SUGP2: variants seen among roughly 807,000 people sequenced by gnomAD.
SUGP2 encodes the protein SURP and G-patch domain-containing protein 2.
Under a neutral mutation model 90.5 loss-of-function variants are expected in SUGP2, and 24 were observed. The observed-to-expected ratio is 0.27, with a 90% confidence interval of 0.19 to 0.37. The LOEUF (loss-of-function observed/expected upper bound fraction) is 0.37, where lower values mean the gene tolerates loss of function less well. Ranked by LOEUF, SUGP2 falls within the 10% of genes least tolerant of loss-of-function variation. The pLI is 1.00. For missense variants in SUGP2, 1,233 were observed against 1,363.3 expected (o/e 0.90, Z 1.51); for synonymous variants, 473 against 513.4 (o/e 0.92, Z 1.06).
chr19:19,014,800 T>TA (rs1461538400), intron 4 of SUGP2, among the ~76,000 whole-genome samples: 5 of 147,058 alleles, frequency 3.4e-5, no homozygotes, highest in African/African-American at 1.3e-4. Context: ...CTCATCTCTT[T>TA]AAACAAAAAA....
chr19:19,001,673 G>A lies in SUGP2; in HGVS notation c.2931C>T (p.Val977=). 6.2e-7 allele frequency: 1 copy of A among 1,614,170 alleles called. No homozygotes were observed. Among genetic ancestry groups the A allele is most frequent in the East Asian group, 2.2e-5 (1 of 44,886 alleles). The part of the protein sequence containing the change: ...KRVCLIQEPK[V]HEPVRIAYDR... ...CATAGGCAATTCGAACTGGTTCATG[G>A]ACTAGAAGACAAAAGAAAGAGACAC... Residue 977 remains valine, a splice_region_variant and synonymous_variant, in exon 8 of 11, where the codon GTC becomes GTT. Transcript: ENST00000452918.
rs964463938 is a variant in SUGP2, at chr19:19,026,293, C to T, written c.122-67G>A. On this transcript the variant is annotated intron_variant, in intron 2 of 10. Coordinates refer to ENST00000452918, the MANE Select transcript of SUGP2 (RefSeq NM_001017392.5). Reference sequence around the variant, plus strand: ...GATACTTTAGACCAGAGAATGCAAACAGTGCAAACAAACAGTCCACGGATC... The same window carrying T: ...GATACTTTAGACCAGAGAATGCAAATAGTGCAAACAAACAGTCCACGGATC... 8 of 1,420,774 alleles carry T rather than the reference C, an allele frequency of 5.6e-6. No individual in the cohort carries two copies. In the Admixed American group the frequency reaches 1.1e-4, roughly 20 times the overall value. 88.0% of individuals were successfully genotyped at this position (1,420,774 alleles called of 1,614,324 possible).
intron 3 of SUGP2, among the ~76,000 whole-genome samples, chr19:19,021,143 G>A (rs1219819779): frequency 2.1e-5 from 2 of 96,822 alleles, no homozygotes; most frequent in African/African-American, 8.8e-5. Flanking sequence ...TGGGCAACAA[G>A]AGCAAAATTC....
chr19:19,007,853 G>T (rs569142248), intron 6 of SUGP2, among the ~76,000 whole-genome samples: 3 of 145,800 alleles, frequency 2.1e-5, no homozygotes, highest in African/African-American at 7.6e-5. Flanking sequence ...TCCGCCTCCC[G>T]GGTTTAAGCG....
chr19:19,018,686 CA>C (rs55923416), intron 4 of SUGP2, among the ~76,000 whole-genome samples: 1,814 of 85,800 alleles, frequency 0.021, 11 homozygotes, highest in African/African-American at 0.076. Context: ...GGCTCCGTCT[CA>C]AAAAAAAAAA....
intron 8 of SUGP2, among the ~76,000 whole-genome samples, chr19:19,000,321 C>T (rs1006509348): frequency 1.3e-5 from 2 of 152,210 alleles, no homozygotes; most frequent in African/African-American, 2.4e-5. Flanking sequence ...TCAGCGGCAT[C>T]CCCTCGACCC....
intron 7 of SUGP2, 73 bp from the exon 8 acceptor site, chr19:19,001,747 G>C: frequency 6.7e-7 from 1 of 1,499,010 alleles, no homozygotes; most frequent in Non-Finnish European, 9.3e-7. Flanking sequence ...TGAAGATCTT[G>C]CAGTCTATTT....
rs1027731597 is a variant in SUGP2, at chr19:19,001,520, C to G, written c.2991+93G>C. The G allele has an allele frequency of 2.3e-6, 3 of 1,278,086 alleles. No homozygotes were observed. In the South Asian group the frequency reaches 3.7e-5, roughly 16 times the overall value. The allele number at this position is 1,278,086 out of a possible 1,614,324, so 79.2% of individuals were successfully genotyped here. On this transcript the variant is annotated intron_variant, in intron 8 of 10. Coordinates refer to ENST00000452918, the MANE Select transcript of SUGP2 (RefSeq NM_001017392.5). ...TTAATACCTCAGTTTGAAATGTTAGCACAGCTTAATCACAAGCTGCAGCAT... is the reference window on the plus strand; with the variant it reads ...TTAATACCTCAGTTTGAAATGTTAGGACAGCTTAATCACAAGCTGCAGCAT...
In SUGP2 at chr19:19,026,155, G is replaced by A; in HGVS notation, c.193C>T (p.Leu65Phe). Reference protein sequence around the residue: ...DDVHSDGRYSLSGSVAHSRDA... With the variant: ...DDVHSDGRYSFSGSVAHSRDA... ...CTAGAGTGAGCTACAGATCCACTGA[G>A]GGAGTATCTGCCATCGCTGTGGACG... is the stretch of plus-strand genomic sequence containing the variant. Residue 65 changes from leucine to phenylalanine, a missense_variant, in exon 3 of 11, where the codon CTC becomes TTC. Physicochemically the swap from Leu to Phe is conservative, Grantham distance 22. Around this residue, in one of 8 missense-constraint regions of SUGP2, gnomAD observed 418 missense variants for 399.9 expected, o/e 1.05. Transcript: ENST00000452918. 6.2e-7 allele frequency: 1 copy of A among 1,613,830 alleles called. No homozygotes were observed. Among genetic ancestry groups the A allele is most frequent in the Non-Finnish European group, 8.5e-7 (1 of 1,179,944 alleles).
At position 19,031,172 on chromosome 19, in the gene SUGP2, T is replaced by C. The variant is rs570042296; in HGVS notation, c.-11-90A>G. ...CCTGTAATCCTGGCACTTTGGGAGG[T>C]CGAGGTGGGCGGATCACCTGAGCTC... On this transcript the variant is annotated intron_variant, in intron 1 of 10. Transcript: ENST00000452918. The C allele has an allele frequency of 1.3e-5, 18 of 1,411,954 alleles. No homozygotes were observed. In the African/African-American group the frequency reaches 2.6e-4, roughly 20 times the overall value. The allele number at this position is 1,411,954 out of a possible 1,614,324, so 87.5% of individuals were successfully genotyped here.
intron 4 of SUGP2, among the ~76,000 whole-genome samples, chr19:19,015,944 A>G (rs536386412): frequency 6.6e-6 from 1 of 152,342 alleles, no homozygotes; most frequent in African/African-American, 2.4e-5. Context: ...AAGATCCTTA[A>G]TAGAATCGTT....
intron 7 of SUGP2, among the ~76,000 whole-genome samples, chr19:19,002,503 CTGTTT>C (rs2057877843): frequency 8.7e-6 from 1 of 115,106 alleles, no homozygotes; most frequent in Non-Finnish European, 1.8e-5. Context: ...ATTAGCAAGT[CTGTTT>C]TTTTTTTTTT....
intron 3 of SUGP2, among the ~76,000 whole-genome samples, chr19:19,024,179 A>G (rs1568449429): frequency 6.6e-6 from 1 of 152,118 alleles, no homozygotes; most frequent in African/African-American, 2.4e-5. Flanking sequence ...GGGTGATCTC[A>G]GCTCACTGAA....
rs1263644306 is a variant in SUGP2 at position 19,004,637 on chromosome 19, A to G, written c.2460T>C (p.His820=). The G allele has an allele frequency of 6.2e-7, 1 of 1,604,170 alleles. No homozygotes were observed. The highest frequency in any genetic ancestry group is 1.3e-5 in the African/African-American group (1 of 74,764). ...STDNPDLWFL[H]DQNSSAFKFY... ...ATTTGAAAGCAGAACTATTTTGGTC[A>G]TGTAGAAACCTGGGGCACAGAGGAA... The change falls in exon 7 of 11, where the codon CAT becomes CAC. Residue 820 remains histidine, a synonymous_variant. Coordinates refer to ENST00000452918, the MANE Select transcript of SUGP2 (RefSeq NM_001017392.5).
intron 8 of SUGP2, 74 bp downstream of exon 8, chr19:19,001,539 G>T: frequency 7.0e-7 from 1 of 1,430,136 alleles, no homozygotes; most frequent in Non-Finnish European, 9.9e-7. Context: ...ATCACAAGCT[G>T]CAGCATCCTT....
At position 19,001,236 on chromosome 19, in the gene SUGP2, C is replaced by T. The variant is rs1355054462; in HGVS notation, c.2991+377G>A. The stretch of plus-strand genomic sequence containing the variant: ...TTCATCGTGTTAGCCAGGATGGTCT[C>T]GATCTCCTGACCTTGTGATCCACCC... On this transcript the variant is annotated intron_variant, in intron 8 of 10. Transcript: ENST00000452918. Among the ~76,000 whole-genome samples, 8 of 152,192 alleles carry T rather than the reference C, an allele frequency of 5.3e-5. No homozygotes were observed. In the East Asian group the frequency reaches 1.6e-3, roughly 30 times the overall value.
At chr19:19,023,950 GAAA>G (rs199684887) in intron 3 of SUGP2, among the ~76,000 whole-genome samples, 1 of 150,008 alleles carries the variant, frequency 6.7e-6, no homozygotes, top group Admixed American at 6.6e-5. Flanking sequence ...AGGTTAAAAA[GAAA>G]AAAAAAGGAA....
rs985282873 is a variant in SUGP2, at chr19:18,990,985, AT to A, written c.*2755del. The A allele has an allele frequency of 1.4e-4, 21 of 152,256 alleles. No individual in the cohort carries two copies. The highest frequency in any genetic ancestry group is 5.1e-4 in the African/African-American group (21 of 41,464). The allele number at this position is 152,256 out of a possible 1,614,324, so 9.4% of individuals were successfully genotyped here. Reference sequence around the variant, plus strand: ...AAAACAGAAACAAAAGAAAACTTCCATTTTGTAACATCACAAATGTCTTCTA... The same window carrying A: ...AAAACAGAAACAAAAGAAAACTTCCATTTGTAACATCACAAATGTCTTCTA... On this transcript the variant is annotated 3_prime_UTR_variant, in exon 11 of 11. Coordinates refer to ENST00000452918, the MANE Select transcript of SUGP2 (RefSeq NM_001017392.5).
In SUGP2 at chr19:19,025,199, A is replaced by G; in HGVS notation, c.1149T>C (p.Phe383=). The change falls in exon 3 of 11, where the codon TTT becomes TTC. Residue 383 remains phenylalanine, a synonymous_variant. Transcript: ENST00000452918. ...LKPEHRDFCF[F]TIKFLKHSAL... is the part of the protein sequence containing the mutation. ...CAGAGTGCTTTAAAAATTTGATAGT[A>G]AAAAAGCAAAAATCTCTGTGCTCTG... is the stretch of plus-strand genomic sequence containing the variant. 1.2e-6 allele frequency: 2 copies of G among 1,612,542 alleles called. No individual in the cohort carries two copies. The highest frequency in any genetic ancestry group is 1.7e-6 in the Non-Finnish European group (2 of 1,179,872).
Sources: gnomAD v4.1 joint callset for allele counts (sites outside exome capture counted in the v4.1 genomes callset) on GRCh38, gnomAD v4.1.1 for gene constraint, gnomAD v4.1.1 regional missense constraint, MANE v1.5 for transcripts, NCBI Gene and HGNC (gene_info 2026-07-23, HGNC 2026-07-21) for gene names.